Variants in PRIM2 observed in about 807,000 individuals in gnomAD.
The protein encoded by PRIM2 is DNA primase subunit 2, also known as DNA primase large subunit.
PRIM2 carries 39 observed loss-of-function variants against 67.3 expected under a neutral mutation model. The ratio of observed to expected loss-of-function variants is 0.58; its 90% CI spans 0.45 to 0.76. The LOEUF (loss-of-function observed/expected upper bound fraction) is 0.76. Ranked by LOEUF, PRIM2 falls within the 30% of genes least tolerant of loss-of-function variation. PRIM2 has a pLI of 0.00. For synonymous variants in PRIM2, 143 were observed against 198.7 expected (o/e 0.72, Z 2.36); for missense variants, 398 against 598.7 (o/e 0.66, Z 3.50).
intron 7 of PRIM2, among the ~76,000 whole-genome samples, chr6:57,457,509 C>T (rs368635792): frequency 0.11 from 16,059 of 152,120 alleles, 940 homozygotes; most frequent in East Asian, 0.2. Context: ...TCCCTAGGCT[C>T]GCTGCTCCTT....
chr6:57,471,668 A>G (rs1773340140), intron 7 of PRIM2, among the ~76,000 whole-genome samples: 1 of 152,234 alleles, frequency 6.6e-6, no homozygotes, highest in Non-Finnish European at 1.5e-5. Context: ...AATGCTTCAC[A>G]GTTCCTGGAG....
upstream of PRIM2, among the ~76,000 whole-genome samples, chr6:57,311,954 C>T (rs1350170765): frequency 2.2e-5 from 3 of 136,956 alleles, no homozygotes; most frequent in African/African-American, 5.5e-5. Flanking sequence ...GAGGTTGCAG[C>T]GAGCCGAGAT....
the PRIM2 span, among the ~76,000 whole-genome samples, chr6:57,269,522 G>C: frequency 6.6e-6 from 1 of 152,094 alleles, no homozygotes; most frequent in African/African-American, 2.4e-5. Context: ...TGTAGATTCT[G>C]GATATTAGCC....
At chr6:57,273,087 A>C in the PRIM2 span, among the ~76,000 whole-genome samples, 1 of 152,110 alleles carries the variant, frequency 6.6e-6, no homozygotes, top group Non-Finnish European at 1.5e-5. Flanking sequence ...ACTTTGGTGA[A>C]TCTGACAATT....
chr6:57,358,137 T>C (rs1280859854), intron 5 of PRIM2, among the ~76,000 whole-genome samples: 1 of 152,224 alleles, frequency 6.6e-6, no homozygotes, highest in Non-Finnish European at 1.5e-5. Context: ...CTTTTGAATG[T>C]TTATTGTAAA....
intron 7 of PRIM2, among the ~76,000 whole-genome samples, chr6:57,505,906 A>T (rs1774242150): frequency 6.6e-6 from 1 of 152,104 alleles, no homozygotes; most frequent in South Asian, 2.1e-4. Context: ...GACTTTTGAA[A>T]TGTCTAGATA....
chr6:57,429,589 T>A (rs1406204216), intron 7 of PRIM2, among the ~76,000 whole-genome samples: 158 of 152,288 alleles, frequency 1.0e-3, no homozygotes, highest in Non-Finnish European at 1.2e-3. Flanking sequence ...CTTCCTGTAC[T>A]TCAGAATGTG....
At chr6:57,361,035 C>T (rs1769181746) in intron 5 of PRIM2, among the ~76,000 whole-genome samples, 3 of 151,968 alleles carry the variant, frequency 2.0e-5, no homozygotes. Flanking sequence ...TATTTTATTA[C>T]AGTGTGAATA....
In PRIM2 at chr6:57,396,380, C is replaced by T. The variant is rs572890819; in HGVS notation, c.693+14212C>T. On this transcript the variant is annotated intron_variant, in intron 7 of 13. Transcript: ENST00000615550. ...AGGATTGTGATATTTTCCTGTTGGA[C>T]AAGGCCTTTTACCATTCTATAATGT... 2.0e-5 allele frequency among the ~76,000 whole-genome samples: 3 copies of T among 152,300 alleles called. No homozygotes were observed. The South Asian group carries it at 6.2e-4, about 32-fold the overall frequency.
intron 8 of PRIM2, among the ~76,000 whole-genome samples, chr6:57,522,648 C>T (rs1172746698): frequency 6.6e-6 from 1 of 151,942 alleles, no homozygotes; most frequent in East Asian, 1.9e-4. Flanking sequence ...GCCACCACAC[C>T]CAGCTCAAAA....
chr6:57,418,696 G>A (rs1399060454), intron 7 of PRIM2, among the ~76,000 whole-genome samples: 1 of 151,828 alleles, frequency 6.6e-6, no homozygotes, highest in Non-Finnish European at 1.5e-5. Context: ...CACTGTGCCC[G>A]GCCTGTTTCC....
At chr6:57,638,299 T>C (rs1247561429) in intron 13 of PRIM2, among the ~76,000 whole-genome samples, 1 of 151,820 alleles carries the variant, frequency 6.6e-6, no homozygotes, top group Admixed American at 6.6e-5. Flanking sequence ...CAAAAACATA[T>C]CAAATTCTAA....
intron 7 of PRIM2, among the ~76,000 whole-genome samples, chr6:57,491,600 C>G (rs2127410195): frequency 6.6e-6 from 1 of 152,190 alleles, no homozygotes; most frequent in Admixed American, 6.5e-5. Flanking sequence ...GCCATAGATA[C>G]AATGAAATAG....
At chr6:57,341,877 G>T (rs1015825061) in intron 5 of PRIM2, among the ~76,000 whole-genome samples, 3 of 152,188 alleles carry the variant, frequency 2.0e-5, no homozygotes, top group African/African-American at 7.2e-5. Flanking sequence ...ACAGAAGCTG[G>T]ATTGTTGGCA....
intron 7 of PRIM2, among the ~76,000 whole-genome samples, chr6:57,468,959 G>A (rs1773272644): frequency 6.6e-6 from 1 of 152,180 alleles, no homozygotes; most frequent in Non-Finnish European, 1.5e-5. Flanking sequence ...CTTAGGCCTT[G>A]ACTCCAGGCT....
intron 7 of PRIM2, among the ~76,000 whole-genome samples, chr6:57,499,681 C>T (rs1188375417): frequency 3.9e-5 from 6 of 152,180 alleles, no homozygotes; most frequent in Non-Finnish European, 5.9e-5. Context: ...TCACATAAAA[C>T]TTAAATTTGT....
At chr6:57,392,816 A>G (rs1207613263) in intron 7 of PRIM2, among the ~76,000 whole-genome samples, 3 of 151,794 alleles carry the variant, frequency 2.0e-5, no homozygotes, top group Admixed American at 6.6e-5. Context: ...TTGTAGTCTT[A>G]TTTTTTGTCC....
At chr6:57,438,998 G>A (rs1052520634) in intron 7 of PRIM2, among the ~76,000 whole-genome samples, 3 of 152,072 alleles carry the variant, frequency 2.0e-5, no homozygotes, top group Non-Finnish European at 2.9e-5. Flanking sequence ...GTGGGCCACC[G>A]TGCCTGTTCC....
At chr6:57,227,392 C>T in the PRIM2 span, among the ~76,000 whole-genome samples, 5 of 152,004 alleles carry the variant, frequency 3.3e-5, no homozygotes, top group African/African-American at 4.8e-5. Context: ...GCCTGTAATC[C>T]CAGCACTTTG....
Sources: allele counts gnomAD v4.1 joint callset (sites outside exome capture counted in the v4.1 genomes callset), GRCh38; gene constraint gnomAD v4.1.1; transcripts MANE v1.5; gene names NCBI Gene and HGNC (gene_info 2026-07-23, HGNC 2026-07-21).